The following SLIT3 variants were observed in gnomAD, a reference collection of about 807,000 sequenced individuals.
SLIT3 encodes slit homolog 3 protein.
A neutral mutation model predicts 184.0 loss-of-function variants in SLIT3; 68 were observed. The ratio of observed to expected loss-of-function variants is 0.37; its 90% CI spans 0.30 to 0.45. SLIT3 has a LOEUF of 0.45. Among genes scored for constraint, SLIT3 ranks in the 20% least tolerant of loss-of-function variants. The probability of loss-of-function intolerance (pLI) is 1.00; values close to 1 mark genes in which losing one functional copy is unlikely to be tolerated. For missense variants in SLIT3, 1,707 were observed against 2,026.0 expected, an observed-to-expected ratio of 0.84 and a Z score of 3.02; for synonymous variants, 831 against 828.6, an observed-to-expected ratio of 1.00 and a Z score of -0.05.
chr5:168,705,301 G>A (rs1762342696), intron 26 of SLIT3, among the ~76,000 whole-genome samples: 1 of 152,104 alleles, frequency 6.6e-6, no homozygotes, highest in Admixed American at 6.5e-5. Context: ...TGTAAAATGA[G>A]GGTCATTTTA....
At chr5:169,293,367 C>T (rs1767411933) in intron 1 of SLIT3, among the ~76,000 whole-genome samples, 1 of 152,050 alleles carries the variant, frequency 6.6e-6, no homozygotes, top group Non-Finnish European at 1.5e-5. Flanking sequence ...TGACCACCTT[C>T]CCCTAAATCA....
At chr5:169,214,849 A>G (rs1862152) in intron 3 of SLIT3, among the ~76,000 whole-genome samples, 47,399 of 151,978 alleles carry the variant, frequency 0.31, 8,362 homozygotes, top group East Asian at 0.69. Context: ...GACACTCATG[A>G]TGTGCAATCA....
chr5:169,046,275 G>C (rs1757619690), intron 4 of SLIT3, among the ~76,000 whole-genome samples: 1 of 152,178 alleles, frequency 6.6e-6, no homozygotes, highest in Non-Finnish European at 1.5e-5. Flanking sequence ...CACATTGTGA[G>C]CACCAGATGA....
Position 168,911,180 on chromosome 5 carries a change from G to T in SLIT3, c.414-27844C>A, listed in dbSNP as rs533183026. 7.2e-5 allele frequency among the ~76,000 whole-genome samples: 11 copies of T among 152,144 alleles called. No individual in the cohort carries two copies. In the South Asian group the frequency reaches 2.1e-3, roughly 29 times the overall value. ...ACTGCACGTTAATTAAATACAAAATGATTATTTAAAAACACTTGTGAAGGA... is the reference window on the plus strand; with the variant it reads ...ACTGCACGTTAATTAAATACAAAATTATTATTTAAAAACACTTGTGAAGGA... On this transcript the variant is annotated intron_variant, in intron 4 of 35. Transcript: ENST00000519560.
intron 20 of SLIT3, among the ~76,000 whole-genome samples, chr5:168,736,483 A>G (rs917476955): frequency 6.6e-5 from 10 of 152,182 alleles, no homozygotes; most frequent in African/African-American, 9.6e-5. Flanking sequence ...AGTGCTGGGC[A>G]GTTGTTCTAT....
In SLIT3 at chr5:168,840,872, G is replaced by A. The variant is rs1758220092; in HGVS notation, c.557+3712C>T. Among the ~76,000 whole-genome samples, 4 of 152,206 alleles carry A rather than the reference G, an allele frequency of 2.6e-5. No individual in the cohort carries two copies. The South Asian group carries it at 8.3e-4, about 31-fold the overall frequency. On this transcript the variant is annotated intron_variant, in intron 6 of 35. Coordinates refer to ENST00000519560, the MANE Select transcript of SLIT3 (RefSeq NM_003062.4). Reference sequence around the variant, plus strand: ...CCAAAGTCTATGGCAATGGCCACGAGTGGGAATAAATCATCTCTGGGGCGA... The same window carrying A: ...CCAAAGTCTATGGCAATGGCCACGAATGGGAATAAATCATCTCTGGGGCGA...
intron 5 of SLIT3, chr5:168,844,895 C>CCTT: frequency 2.9e-6 from 1 of 349,238 alleles, no homozygotes; most frequent in Non-Finnish European, 5.0e-6. Flanking sequence ...ATTAATTGCG[C>CCTT]ATTTTTTTTT....
chr5:169,027,616 T>C (rs1471001804), intron 4 of SLIT3, among the ~76,000 whole-genome samples: 2 of 152,222 alleles, frequency 1.3e-5, no homozygotes, highest in Non-Finnish European at 2.9e-5. Context: ...GTGACCCATA[T>C]GCCACTTTAT....
intron 18 of SLIT3, among the ~76,000 whole-genome samples, chr5:168,751,068 A>T: frequency 6.6e-6 from 1 of 150,424 alleles, no homozygotes. Flanking sequence ...AGGCTGGGGG[A>T]GGGTGCTCCA....
At position 168,753,874 on chromosome 5, in the gene SLIT3, G is replaced by A; in HGVS notation, c.1819C>T (p.Leu607Phe). The change falls in exon 17 of 36, where the codon CTC becomes TTC. Residue 607 changes from leucine (L) to phenylalanine (F), a missense_variant. By Grantham distance (22) the Leu-to-Phe change is conservative. This residue lies in a region of SLIT3 where 1,307 missense variants were observed against 1,511.6 expected (regional missense o/e 0.86). Coordinates refer to ENST00000519560, the MANE Select transcript of SLIT3 (RefSeq NM_003062.4). ...ACCCCAGGCACTCACAAGGTTTTGA[G>A]GCCACTGAGGCCACGGAACACGCGC... ...HGRVFRGLSG[L>F]KTLMLRSNLI... 1 of 1,610,692 alleles carries A rather than the reference G, an allele frequency of 6.2e-7. No homozygotes were observed. The highest frequency in any genetic ancestry group is 8.5e-7 in the Non-Finnish European group (1 of 1,179,788).
At chr5:169,193,332 G>C in intron 4 of SLIT3, 147 bp downstream of exon 4, 1 of 693,250 alleles carries the variant, frequency 1.4e-6, no homozygotes, top group Non-Finnish European at 2.6e-6. Context: ...GTTGGGGGTA[G>C]ACGTCATGTC....
chr5:169,195,380 C>T (rs1488719195), intron 3 of SLIT3, among the ~76,000 whole-genome samples: 1 of 152,302 alleles, frequency 6.6e-6, no homozygotes, highest in Non-Finnish European at 1.5e-5. Context: ...CAAGAGGGTG[C>T]TACTCAGCCT....
In SLIT3 at chr5:168,785,978, C is replaced by G. The variant is rs750011530; in HGVS notation, c.1080G>C (p.Leu360=). The change falls in exon 12 of 36, where the codon CTG becomes CTC. Residue 360 remains leucine (L), a splice_region_variant and synonymous_variant. Coordinates refer to ENST00000519560, the MANE Select transcript of SLIT3 (RefSeq NM_003062.4). ...AFQGLKSLTS[L]VLYGNKITEI... is the part of the protein sequence containing the mutation. ...CGGTGATCTTGTTCCCATACAGGAC[C>G]CTGAAAGAGAGAAGGAGAAGACAGC... 3.1e-6 allele frequency: 5 copies of G among 1,608,032 alleles called. No individual in the cohort carries two copies. In the African/African-American group the frequency reaches 6.7e-5, roughly 22 times the overall value.
At chr5:168,777,138 C>T (rs1755790279) in intron 12 of SLIT3, among the ~76,000 whole-genome samples, 1 of 151,584 alleles carries the variant, frequency 6.6e-6, no homozygotes, top group African/African-American at 2.4e-5. Context: ...CATCAAATTT[C>T]TATTTTCTCT....
At chr5:168,774,193 T>A in intron 13 of SLIT3, 42 bp downstream of exon 13, 1 of 1,562,258 alleles carries the variant, frequency 6.4e-7, no homozygotes. Context: ...TGGGGTCTCC[T>A]GCTGCTTGGG....
At position 168,788,919 on chromosome 5, in the gene SLIT3, T is replaced by C. The variant is rs183797377; in HGVS notation, c.1079+641A>G. 3.1e-3 allele frequency among the ~76,000 whole-genome samples: 471 copies of C among 152,128 alleles called. 1 individual carries two copies. The highest frequency in any genetic ancestry group is 6.7e-3 in the Admixed American group (102 of 15,280). On this transcript the variant is annotated intron_variant, in intron 11 of 35. Coordinates refer to ENST00000519560, the MANE Select transcript of SLIT3 (RefSeq NM_003062.4). ...CATCCTGCCTACTAAGAAGCATCCA[T>C]AAAAGGCTCAAGTGACTTCCCTATG...
At chr5:169,212,800 T>G (rs1422205726) in intron 3 of SLIT3, among the ~76,000 whole-genome samples, 4 of 152,206 alleles carry the variant, frequency 2.6e-5, no homozygotes, top group African/African-American at 9.6e-5. Flanking sequence ...CTTAAGTCTT[T>G]AATCCATCTT....
intron 4 of SLIT3, among the ~76,000 whole-genome samples, chr5:169,048,097 C>T (rs183346929): frequency 6.6e-6 from 1 of 152,350 alleles, no homozygotes; most frequent in East Asian, 1.9e-4. Context: ...TTTCTTTCTT[C>T]TGATGCCCCT....
intron 3 of SLIT3, among the ~76,000 whole-genome samples, chr5:169,205,209 G>A (rs756770814): frequency 3.3e-5 from 5 of 152,154 alleles, no homozygotes; most frequent in South Asian, 4.1e-4. Flanking sequence ...AGGGCATGGC[G>A]CTGGGGCTTA....
Sources: gnomAD v4.1 joint callset for allele counts (sites outside exome capture counted in the v4.1 genomes callset) on GRCh38, gnomAD v4.1.1 for gene constraint, gnomAD v4.1.1 regional missense constraint, MANE v1.5 for transcripts, NCBI Gene and HGNC (gene_info 2026-07-23, HGNC 2026-07-21) for gene names.